SLC6A3: variants seen among roughly 807,000 people sequenced by gnomAD.
The protein encoded by SLC6A3 is solute carrier family 6 member 3.
In SLC6A3, 19 loss-of-function variants were observed where a neutral mutation model predicts 70.4. The observed-to-expected ratio is 0.27, with a 90% CI of 0.19 to 0.40. The LOEUF (loss-of-function observed/expected upper bound fraction) is 0.40. Ranked by LOEUF, SLC6A3 falls within the 10% of genes least tolerant of loss-of-function variation. SLC6A3 has a pLI of 1.00. For missense variants in SLC6A3, 613 were observed against 838.5 expected, an observed-to-expected ratio of 0.73 and a Z score of 3.32; for synonymous variants, 368 against 356.6, an observed-to-expected ratio of 1.03 and a Z score of -0.36.
chr5:1,407,437 G>A (rs1756010572), intron 11 of SLC6A3, among the ~76,000 whole-genome samples: 1 of 152,240 alleles, frequency 6.6e-6, no homozygotes. Context: ...CCCACCAGCA[G>A]GTCCCAGGGC....
At position 1,403,096 on chromosome 5, in the gene SLC6A3, C is replaced by G; in HGVS notation, c.1600-7G>C. 6.2e-7 allele frequency: 1 copy of G among 1,613,140 alleles called. No individual in the cohort carries two copies. The highest frequency in any genetic ancestry group is 1.7e-4 in the Middle Eastern group (1 of 5,956). On this transcript the variant is annotated splice_region_variant and splice_polypyrimidine_tract_variant and intron_variant, in intron 12 of 14. Transcript: ENST00000270349. ...TGCTGACCACGACCACGAACTGCAA[C>G]CAGCAGATACGGAGGTCAGGCAGCT...
intron 3 of SLC6A3, among the ~76,000 whole-genome samples, chr5:1,440,971 T>C (rs1388256360): frequency 7.9e-5 from 12 of 152,204 alleles, no homozygotes; most frequent in Non-Finnish European, 1.5e-5. Context: ...GGTAGATAGA[T>C]GGGTGAATGA....
chr5:1,398,495 G>A (rs1418014936), intron 14 of SLC6A3, among the ~76,000 whole-genome samples: 1 of 151,902 alleles, frequency 6.6e-6, no homozygotes, highest in African/African-American at 2.4e-5. Context: ...CTAAAAATGG[G>A]ACAAATGGAA....
At position 1,409,708 on chromosome 5, in the gene SLC6A3, C is replaced by T. The variant is rs777264250; in HGVS notation, c.1398+13G>A. 16 of 1,612,762 alleles carry T rather than the reference C, an allele frequency of 9.9e-6. No homozygotes were observed. Among genetic ancestry groups the T allele is most frequent in the Admixed American group, 3.3e-5 (2 of 60,006 alleles). ...CATGACCAGGAGAAGGCGAAGCCGG[C>T]GATGGTACGTACGTTGGTGACGCAG... On this transcript the variant is annotated intron_variant, in intron 10 of 14. Coordinates refer to ENST00000270349, the MANE Select transcript of SLC6A3 (RefSeq NM_001044.5).
rs1756437423 is a variant in SLC6A3 at position 1,421,606 on chromosome 5, C to G, written c.792+270G>C. Among the ~76,000 whole-genome samples, 1 of 150,802 alleles carries G rather than the reference C, an allele frequency of 6.6e-6. No homozygotes were observed. Among genetic ancestry groups the G allele is most frequent in the African/African-American group, 2.4e-5 (1 of 40,922 alleles). ...CAGCCACGGCCACGTGTCCCCCCAC[C>G]CACCCATGGCCGCGCGTCTACCCAA... On this transcript the variant is annotated intron_variant, in intron 5 of 14. Coordinates refer to ENST00000270349, the MANE Select transcript of SLC6A3 (RefSeq NM_001044.5). This position sits in a 1 kb window ranked among gnomAD's most constrained non-coding sequence, Gnocchi z 7.2.
chr5:1,400,956 C>T lies in SLC6A3; in HGVS notation c.1798G>A (p.Asp600Asn), dbSNP rs1279395534. The T allele has an allele frequency of 2.5e-6, 4 of 1,597,184 alleles. No individual in the cohort carries two copies. Among genetic ancestry groups the T allele is most frequent in the East Asian group, 2.3e-5 (1 of 44,364 alleles). ...TCCCCTCTGTCCACCAGCTCACGGTCCTTCTCGGGTGCAATGGCGTAGGCC... is the reference window on the plus strand; with the variant it reads ...TCCCCTCTGTCCACCAGCTCACGGTTCTTCTCGGGTGCAATGGCGTAGGCC... The part of the protein sequence containing the change: ...KLAYAIAPEK[D>N]RELVDRGEVR... The change falls in exon 14 of 15, where the codon GAC becomes AAC. Residue 600 changes from aspartate (D) to asparagine (N), a missense_variant. Transcript: ENST00000270349.
intron 6 of SLC6A3, among the ~76,000 whole-genome samples, chr5:1,419,355 C>CCATA (rs1252227138): frequency 1.3e-3 from 190 of 151,752 alleles, no homozygotes; most frequent in African/African-American, 4.4e-3. Context: ...ATCCATCCAT[C>CCATA]CATCCATCCA....
At position 1,396,532 on chromosome 5, in the gene SLC6A3, G is replaced by A. The variant is rs1030476788; in HGVS notation, c.1840-1774C>T. 6.6e-6 allele frequency among the ~76,000 whole-genome samples: 1 copy of A among 152,230 alleles called. No homozygotes were observed. The highest frequency in any genetic ancestry group is 6.5e-5 in the Admixed American group (1 of 15,284). Reference sequence around the variant, plus strand: ...TGGAAAGGAGAGCGAGGGAAACGGAGGTGGCTGCAGTTTGCAGGCCAGAGC... The same window carrying A: ...TGGAAAGGAGAGCGAGGGAAACGGAAGTGGCTGCAGTTTGCAGGCCAGAGC... On this transcript the variant is annotated intron_variant, in intron 14 of 14. Transcript: ENST00000270349. This position sits in a 1 kb window ranked among gnomAD's most constrained non-coding sequence, Gnocchi z 7.0.
intron 4 of SLC6A3, among the ~76,000 whole-genome samples, chr5:1,425,120 A>G (rs10475006): frequency 0.2 from 29,790 of 152,224 alleles, 3,131 homozygotes; most frequent in South Asian, 0.24. Flanking sequence ...GAAAAGACAC[A>G]GCACCTCCCA....
At chr5:1,431,155 G>A (rs143159695) in intron 4 of SLC6A3, among the ~76,000 whole-genome samples, 1,610 of 152,354 alleles carry the variant, frequency 0.011, 27 homozygotes, top group African/African-American at 0.036. Flanking sequence ...CCCGGCTGGC[G>A]AGGGCAGGAA....
chr5:1,436,515 G>A lies in SLC6A3; in HGVS notation c.419-3817C>T, dbSNP rs1365718412. Among the ~76,000 whole-genome samples the A allele has an allele frequency of 6.6e-6, 1 of 152,182 alleles. No individual in the cohort carries two copies. The highest frequency in any genetic ancestry group is 6.5e-5 in the Admixed American group (1 of 15,286). Reference sequence around the variant, plus strand: ...ACTCCCAGGAAGCTCGGCGCTAAGTGTGAATTTCAAGCATAGCTTTTAAGG... The same window carrying A: ...ACTCCCAGGAAGCTCGGCGCTAAGTATGAATTTCAAGCATAGCTTTTAAGG... On this transcript the variant is annotated intron_variant, in intron 3 of 14. Coordinates refer to ENST00000270349, the MANE Select transcript of SLC6A3 (RefSeq NM_001044.5). The surrounding 1 kb of genome is among the most constrained non-coding windows in gnomAD (Gnocchi z 5.2).
At position 1,437,263 on chromosome 5, in the gene SLC6A3, A is replaced by G. The variant is rs892668677; in HGVS notation, c.418+4096T>C. Among the ~76,000 whole-genome samples, 37 of 151,368 alleles carry G rather than the reference A, an allele frequency of 2.4e-4. No homozygotes were observed. The highest frequency in any genetic ancestry group is 8.5e-4 in the African/African-American group (35 of 41,178). On this transcript the variant is annotated intron_variant, in intron 3 of 14. Transcript: ENST00000270349. This position sits in a 1 kb window ranked among gnomAD's most constrained non-coding sequence, Gnocchi z 4.8. Reference sequence around the variant, plus strand: ...AGATTCCGTCTCACAAAAAAAAAAAAAAAGAAAAGAAAAGAAAAGAAAGAG... The same window carrying G: ...AGATTCCGTCTCACAAAAAAAAAAAGAAAGAAAAGAAAAGAAAAGAAAGAG...
In SLC6A3 at chr5:1,437,060, G is replaced by A. The variant is rs1341356599; in HGVS notation, c.418+4299C>T. ...AGGTCAGGCAATCGAGACCATCCTG[G>A]CTAACACGATGAAACCCCGTCTCTA... On this transcript the variant is annotated intron_variant, in intron 3 of 14. Coordinates refer to ENST00000270349, the MANE Select transcript of SLC6A3 (RefSeq NM_001044.5). This position sits in a 1 kb window ranked among gnomAD's most constrained non-coding sequence, Gnocchi z 4.8. Among the ~76,000 whole-genome samples the A allele has an allele frequency of 6.6e-6, 1 of 152,094 alleles. No homozygotes were observed. Among genetic ancestry groups the A allele is most frequent in the African/African-American group, 2.4e-5 (1 of 41,412 alleles).
Position 1,396,726 on chromosome 5 carries a change from C to A in SLC6A3, c.1840-1968G>T, listed in dbSNP as rs1302153440. Among the ~76,000 whole-genome samples the A allele has an allele frequency of 3.9e-5, 6 of 152,154 alleles. No homozygotes were observed. Among genetic ancestry groups the A allele is most frequent in the African/African-American group, 1.4e-4 (6 of 41,434 alleles). ...TGCCCACACAGGGCTGGGCACGGTG[C>A]CTGTTCCCCCAGCCAGGAGAATGTC... On this transcript the variant is annotated intron_variant, in intron 14 of 14. Transcript: ENST00000270349. This position sits in a 1 kb window ranked among gnomAD's most constrained non-coding sequence, Gnocchi z 7.0.
chr5:1,403,683 C>G (rs552497444), intron 12 of SLC6A3, among the ~76,000 whole-genome samples: 1 of 151,982 alleles, frequency 6.6e-6, no homozygotes, highest in African/African-American at 2.4e-5. Flanking sequence ...GTGACCCATG[C>G]GGGACCACCC....
chr5:1,409,978 C>T (rs895830479), intron 9 of SLC6A3, 129 bp from the exon 10 acceptor site: 1 of 1,202,230 alleles, frequency 8.3e-7, no homozygotes, highest in Non-Finnish European at 1.2e-6. Flanking sequence ...ACATGGCCGT[C>T]CAGGGTGCAG....
At chr5:1,424,957 C>T (rs1756545157) in intron 4 of SLC6A3, among the ~76,000 whole-genome samples, 1 of 152,212 alleles carries the variant, frequency 6.6e-6, no homozygotes. Flanking sequence ...TGTGCGTCTC[C>T]CAGCATGTCC....
intron 10 of SLC6A3, 125 bp downstream of exon 10, chr5:1,409,596 G>C (rs1006351859): frequency 2.7e-6 from 3 of 1,096,096 alleles, no homozygotes; most frequent in African/African-American, 1.5e-5. Flanking sequence ...TTCTGGGGTG[G>C]GTGGGTTCGC....
intron 7 of SLC6A3, 90 bp downstream of exon 7, chr5:1,416,008 T>A: frequency 9.9e-7 from 1 of 1,008,648 alleles, no homozygotes; most frequent in Non-Finnish European, 1.6e-6. Flanking sequence ...GGATCCGCCC[T>A]GTTCTCATCC....
Sources: allele counts gnomAD v4.1 joint callset (sites outside exome capture counted in the v4.1 genomes callset), GRCh38; gene constraint gnomAD v4.1.1; non-coding constraint Gnocchi (gnomAD v3.1); transcripts MANE v1.5; gene names NCBI Gene and HGNC (gene_info 2026-07-23, HGNC 2026-07-21).